The following PCM1 variants were observed in gnomAD, a reference collection of about 807,000 sequenced individuals.
The protein encoded by PCM1 is pericentriolar material 1, also known as pericentriolar material 1 protein.
Under a neutral mutation model 241.9 loss-of-function variants are expected in PCM1, and 157 were observed. That is an observed-to-expected ratio of 0.65 (90% CI 0.57 to 0.74). The LOEUF (loss-of-function observed/expected upper bound fraction) is 0.74, where lower values mean the gene tolerates loss of function less well. Ranked by LOEUF, PCM1 falls within the 30% of genes least tolerant of loss-of-function variation. The pLI is 0.00. For missense variants in PCM1, 3,478 were observed against 2,360.1 expected, an observed-to-expected ratio of 1.47 and a Z score of -9.81; for synonymous variants, 1,085 against 784.9, an observed-to-expected ratio of 1.38 and a Z score of -6.39.
intron 18 of PCM1, 143 bp from the exon 19 acceptor site, chr8:17,965,856 C>A (rs967779333): frequency 1.7e-6 from 1 of 576,616 alleles, no homozygotes; most frequent in East Asian, 2.9e-5. Flanking sequence ...ACTTCTCCCC[C>A]CTCTATATTT....
At position 17,942,354 on chromosome 8, in the gene PCM1, C is replaced by G. The variant is rs560425388; in HGVS notation, c.783+2493C>G. Among the ~76,000 whole-genome samples, 4 of 152,106 alleles carry G rather than the reference C, an allele frequency of 2.6e-5. No individual in the cohort carries two copies. The South Asian group carries it at 6.2e-4, about 24-fold the overall frequency. ...CGGTGGCGCACGCCTGTAATCCCAG[C>G]TACTCAGGAGGCTGAGGCAGGAGAA... On this transcript the variant is annotated intron_variant, in intron 6 of 38. Coordinates refer to ENST00000325083, the MANE Select transcript of PCM1 (RefSeq NM_006197.4).
At chr8:18,014,165 A>ATG (rs2129486191) in intron 35 of PCM1, 129 bp downstream of exon 35, 1 of 611,356 alleles carries the variant, frequency 1.6e-6, no homozygotes, top group East Asian at 2.9e-5. Flanking sequence ...GACCTGATGT[A>ATG]TGTTTTTCTT....
intron 29 of PCM1, among the ~76,000 whole-genome samples, chr8:17,995,418 T>A (rs1260668563): frequency 6.6e-6 from 1 of 151,436 alleles, no homozygotes; most frequent in Non-Finnish European, 1.5e-5. Context: ...GTTCTGTCGG[T>A]CTGTGTTTCT....
At chr8:18,013,096 A>G (rs1037804609) in intron 34 of PCM1, among the ~76,000 whole-genome samples, 2 of 152,142 alleles carry the variant, frequency 1.3e-5, no homozygotes, top group Admixed American at 6.5e-5. Context: ...AAATGTTAGT[A>G]TCTATTGGTC....
intron 36 of PCM1, among the ~76,000 whole-genome samples, chr8:18,016,177 C>G (rs1397727765): frequency 6.6e-6 from 1 of 152,258 alleles, no homozygotes; most frequent in East Asian, 1.9e-4. Context: ...CGTGAGCCAC[C>G]GCACCCAGCT....
Position 17,939,743 on chromosome 8 carries a change from T to C in PCM1, c.665T>C (p.Met222Thr). 4 of 1,560,274 alleles carry C rather than the reference T, an allele frequency of 2.6e-6. No individual in the cohort carries two copies. Among genetic ancestry groups the C allele is most frequent in the South Asian group, 1.2e-5 (1 of 84,576 alleles). The change falls in exon 6 of 39, where the codon ATG (methionine) becomes ACG (threonine). Residue 222 changes from methionine to threonine, a missense_variant. Physicochemically the swap from Met to Thr is moderately conservative, Grantham distance 81 (BLOSUM62 -1). Coordinates refer to ENST00000325083, the MANE Select transcript of PCM1 (RefSeq NM_006197.4). ...IRDYITKASS[M>T]REDLVEKNER... ...GATTATATTACTAAAGCTAGTTCCA[T>C]GCGGGAAGATCTTGTAGAGAAAAAT... is the stretch of plus-strand genomic sequence containing the variant.
intron 2 of PCM1, among the ~76,000 whole-genome samples, chr8:17,929,461 C>A (rs1231137416): frequency 6.6e-6 from 1 of 152,154 alleles, no homozygotes; most frequent in Non-Finnish European, 1.5e-5. Context: ...AGAGATAGAT[C>A]GCTATTTGTC....
At chr8:17,995,203 A>G (rs2086249259) in intron 29 of PCM1, among the ~76,000 whole-genome samples, 2 of 151,448 alleles carry the variant, frequency 1.3e-5, no homozygotes, top group South Asian at 4.1e-4. Flanking sequence ...TGACTTTTGT[A>G]TATGGTGAGA....
chr8:17,929,321 C>A (rs1373678972), intron 2 of PCM1, among the ~76,000 whole-genome samples: 2 of 152,136 alleles, frequency 1.3e-5, no homozygotes, highest in East Asian at 3.9e-4. Flanking sequence ...ATTAGCGTGT[C>A]CTTTTCCTCT....
At chr8:18,015,476 C>G (rs185474037) in intron 36 of PCM1, among the ~76,000 whole-genome samples, 1 of 152,150 alleles carries the variant, frequency 6.6e-6, no homozygotes, top group African/African-American at 2.4e-5. Context: ...AAGTAGCCCC[C>G]TAACATATGG....
At chr8:17,957,216 C>T (rs766779013) in intron 11 of PCM1, 48 bp from the exon 12 acceptor site, 1 of 1,474,920 alleles carries the variant, frequency 6.8e-7, no homozygotes, top group Admixed American at 2.3e-5. Flanking sequence ...ATTTCTTTCT[C>T]TCTTTTTTTG....
chr8:17,930,921 A>C (rs1223585387), intron 2 of PCM1, among the ~76,000 whole-genome samples: 2 of 151,988 alleles, frequency 1.3e-5, no homozygotes, highest in African/African-American at 2.4e-5. Context: ...TTATTTCTTT[A>C]GCTTCATACT....
At chr8:18,006,970 A>T (rs2091505244) in intron 30 of PCM1, among the ~76,000 whole-genome samples, 1 of 152,196 alleles carries the variant, frequency 6.6e-6, no homozygotes, top group Non-Finnish European at 1.5e-5. Flanking sequence ...GAGACCAGGA[A>T]GAATCTTGAT....
intron 21 of PCM1, among the ~76,000 whole-genome samples, chr8:17,967,686 C>T (rs1193732280): frequency 6.6e-6 from 1 of 152,126 alleles, no homozygotes; most frequent in East Asian, 1.9e-4. Flanking sequence ...ATGATTGCTT[C>T]AACTATTTAT....
At chr8:17,977,806 G>A (rs3824320) in intron 23 of PCM1, among the ~76,000 whole-genome samples, 18,963 of 152,122 alleles carry the variant, frequency 0.12, 1,553 homozygotes, top group East Asian at 0.37. Flanking sequence ...GCTTGCTAGC[G>A]AAAATGTTGC....
intron 18 of PCM1, among the ~76,000 whole-genome samples, chr8:17,965,266 T>A (rs1181328718): frequency 6.6e-6 from 1 of 152,192 alleles, no homozygotes; most frequent in Non-Finnish European, 1.5e-5. Context: ...GAATTCTGTT[T>A]ACGGTTTTTT....
At position 17,985,491 on chromosome 8, in the gene PCM1, A is replaced by G. The variant is rs201193217; in HGVS notation, c.4153A>G (p.Ile1385Val). 3.2e-5 allele frequency: 50 copies of G among 1,568,136 alleles called. No individual in the cohort carries two copies. The highest frequency in any genetic ancestry group is 4.0e-5 in the African/African-American group (3 of 74,196). Residue 1385 changes from isoleucine to valine, a missense_variant, in exon 25 of 39, where the codon ATT (isoleucine) becomes GTT (valine). By Grantham distance (29) the Ile-to-Val change is conservative. Coordinates refer to ENST00000325083, the MANE Select transcript of PCM1 (RefSeq NM_006197.4). ...FSMFEALRDT[I>V]YSEVATLISQ... ...CATGTTTGAAGCTTTGCGAGATACT[A>G]TTTATTCTGAAGTAGCTACATTAAT...
chr8:17,955,012 C>G (rs1486971043), intron 9 of PCM1, among the ~76,000 whole-genome samples: 4 of 152,008 alleles, frequency 2.6e-5, no homozygotes, highest in Non-Finnish European at 1.5e-5. Context: ...CTGATGAAGA[C>G]CTAATCAGCT....
chr8:17,984,824 G>A (rs1409091071), intron 24 of PCM1, among the ~76,000 whole-genome samples: 1 of 151,896 alleles, frequency 6.6e-6, no homozygotes, highest in Non-Finnish European at 1.5e-5. Flanking sequence ...ACTTCAGTTG[G>A]ATCACTTGCC....
Sources: gnomAD v4.1 joint callset for allele counts (sites outside exome capture counted in the v4.1 genomes callset) on GRCh38, gnomAD v4.1.1 for gene constraint, MANE v1.5 for transcripts, NCBI Gene and HGNC (gene_info 2026-07-23, HGNC 2026-07-21) for gene names.